The following GDPD4 variants were observed in gnomAD, a reference collection of about 807,000 sequenced individuals.
GDPD4 encodes the protein glycerophosphodiester phosphodiesterase 6.
A neutral mutation model predicts 67.8 loss-of-function variants in GDPD4; 60 were observed. The observed-to-expected ratio is 0.88, with a 90% CI of 0.72 to 1.10. The LOEUF (loss-of-function observed/expected upper bound fraction) is 1.10, where lower values mean the gene tolerates loss of function less well. GDPD4 is among the 50% of genes least tolerant of loss of function. GDPD4 has a pLI of 0.00. For missense variants in GDPD4, 623 were observed against 613.9 expected, an observed-to-expected ratio of 1.01 and a Z score of -0.16; for synonymous variants, 212 against 210.9, an observed-to-expected ratio of 1.00 and a Z score of -0.04.
chr11:77,251,426 T>A (rs920100559), intron 11 of GDPD4, among the ~76,000 whole-genome samples: 35 of 152,202 alleles, frequency 2.3e-4, no homozygotes, highest in Admixed American at 2.0e-4. Flanking sequence ...CATTCCCCAG[T>A]TTTTGCTTGT....
chr11:77,281,290 A>G (rs1171994921), intron 3 of GDPD4, among the ~76,000 whole-genome samples: 1 of 152,162 alleles, frequency 6.6e-6, no homozygotes, highest in Non-Finnish European at 1.5e-5. Flanking sequence ...TACATATTGC[A>G]ATGTTTTATA....
intron 10 of GDPD4, among the ~76,000 whole-genome samples, chr11:77,264,448 C>A (rs937602608): frequency 6.6e-6 from 1 of 151,814 alleles, no homozygotes; most frequent in Non-Finnish European, 1.5e-5. Flanking sequence ...ACTTTAAAGG[C>A]AAGAAGGGAA....
chr11:77,246,773 C>T (rs1021789081), intron 11 of GDPD4, among the ~76,000 whole-genome samples: 2 of 152,120 alleles, frequency 1.3e-5, no homozygotes, highest in African/African-American at 4.8e-5. Context: ...GTGTAACTCC[C>T]TCTTGGTGGG....
At chr11:77,274,161 T>G (rs1238575442) in intron 5 of GDPD4, among the ~76,000 whole-genome samples, 1 of 152,236 alleles carries the variant, frequency 6.6e-6, no homozygotes, top group Non-Finnish European at 1.5e-5. Flanking sequence ...ATGTTGGATA[T>G]CAATAAGGCC....
intron 10 of GDPD4, among the ~76,000 whole-genome samples, chr11:77,262,727 G>C (rs186456012): frequency 4.6e-5 from 7 of 151,740 alleles, no homozygotes; most frequent in African/African-American, 1.7e-4. Context: ...ACCAATCAAC[G>C]ATCTGCACAC....
chr11:77,254,883 A>T (rs1958975480), intron 11 of GDPD4, among the ~76,000 whole-genome samples: 1 of 152,248 alleles, frequency 6.6e-6, no homozygotes, highest in African/African-American at 2.4e-5. Context: ...CCAACCAATA[A>T]AGAATCATCA....
chr11:77,265,662 T>G (rs937967354), intron 10 of GDPD4, among the ~76,000 whole-genome samples: 4 of 152,186 alleles, frequency 2.6e-5, no homozygotes, highest in African/African-American at 4.8e-5. Context: ...ATGAACTTAT[T>G]TGTATATTTA....
At chr11:77,294,922 G>C (rs1937898792) in intron 1 of GDPD4, among the ~76,000 whole-genome samples, 1 of 148,698 alleles carries the variant, frequency 6.7e-6, no homozygotes, top group South Asian at 2.1e-4. Context: ...TGGAACAACT[G>C]GATATTCACC....
intron 7 of GDPD4, among the ~76,000 whole-genome samples, chr11:77,270,287 C>T (rs1002551851): frequency 6.6e-6 from 1 of 152,168 alleles, no homozygotes; most frequent in African/African-American, 2.4e-5. Flanking sequence ...CTGGGACAAA[C>T]AATGAAGAGG....
intron 15 of GDPD4, among the ~76,000 whole-genome samples, 193 bp from the exon 16 acceptor site, chr11:77,228,109 A>T (rs1249698630): frequency 6.6e-6 from 1 of 152,060 alleles, no homozygotes; most frequent in African/African-American, 2.4e-5. Flanking sequence ...GGTGGCTCAC[A>T]CCTGTAATGC....
Position 77,258,445 on chromosome 11 carries a change from A to T in GDPD4, c.805T>A (p.Phe269Ile). 1 of 1,614,188 alleles carries T rather than the reference A, an allele frequency of 6.2e-7. No individual in the cohort carries two copies. The highest frequency in any genetic ancestry group is 8.5e-7 in the Non-Finnish European group (1 of 1,180,002). ...QPESACENPA[F>I]FNWDFLSTLN... ...GTCGATAGGAAATCCCAGTTGAAGA[A>T]GGCAGGGTTCTCGCAGGCAGATTCT... The change falls in exon 11 of 17, where the codon TTC becomes ATC. Residue 269 changes from phenylalanine (F) to isoleucine (I), a missense_variant. Coordinates refer to ENST00000315938, the MANE Select transcript of GDPD4 (RefSeq NM_182833.3).
chr11:77,293,534 C>T (rs1208962256), intron 1 of GDPD4, among the ~76,000 whole-genome samples: 1 of 150,018 alleles, frequency 6.7e-6, no homozygotes, highest in East Asian at 2.0e-4. Flanking sequence ...ATGGAGGTTA[C>T]AGTAAGCCAA....
Position 77,217,003 on chromosome 11 carries a change from T to C in GDPD4, c.*274A>G, listed in dbSNP as rs373698539. The stretch of plus-strand genomic sequence containing the variant: ...CCACCTTCAGGGTGGGCAATGTAGT[T>C]TGAAAGGTAGCCTCACTTGTAGCCT... On this transcript the variant is annotated 3_prime_UTR_variant, in exon 17 of 17. Transcript: ENST00000315938. 9.8e-4 allele frequency: 689 copies of C among 703,180 alleles called. 4 individuals are homozygous for C. In the African/African-American group the frequency reaches 0.01, roughly 11 times the overall value. 43.6% of individuals were successfully genotyped at this position (703,180 alleles called of 1,614,324 possible). A position where few individuals can be genotyped will look rare whatever the true frequency, so the allele number is the denominator to read the frequency against.
chr11:77,221,680 A>G (rs9704696), intron 16 of GDPD4, among the ~76,000 whole-genome samples: 133,724 of 152,136 alleles, frequency 0.88, 58,957 homozygotes, highest in Middle Eastern at 0.91. Context: ...AATGAGTGCA[A>G]TGTGGTGCTG....
chr11:77,294,571 CCAAA>C (rs1591584952), intron 1 of GDPD4, among the ~76,000 whole-genome samples: 2 of 152,096 alleles, frequency 1.3e-5, no homozygotes, highest in African/African-American at 4.8e-5. Flanking sequence ...TCAATTCTCC[CCAAA>C]CAGATCTACA....
chr11:77,282,604 A>C (rs1475820231), intron 3 of GDPD4, among the ~76,000 whole-genome samples: 1 of 152,058 alleles, frequency 6.6e-6, no homozygotes, highest in African/African-American at 2.4e-5. Flanking sequence ...CAATGAGCCA[A>C]GCTTGGGAGG....
chr11:77,279,316 G>C lies in GDPD4; in HGVS notation c.137C>G (p.Ser46Ter). 1 of 1,603,238 alleles carries C rather than the reference G, an allele frequency of 6.2e-7. No individual in the cohort carries two copies. Among genetic ancestry groups the C allele is most frequent in the African/African-American group, 1.3e-5 (1 of 74,846 alleles). Residue 46 changes from serine to a stop codon, truncating the protein, a stop_gained, in exon 4 of 17, where the codon TCA becomes TGA. Transcript: ENST00000315938. LOFTEE classifies it high-confidence loss of function. ...AGAAGCATTACTCACCAACAGCAAT[G>C]AAGAGTAGGCAGTCAGGATCCTAGC... is the stretch of plus-strand genomic sequence containing the variant. The part of the protein sequence containing the change: ...SLARILTAYS[S>*]LLLLLGFLLL...
chr11:77,262,745 C>T (rs1268461765), intron 10 of GDPD4, among the ~76,000 whole-genome samples: 1 of 151,048 alleles, frequency 6.6e-6, no homozygotes, highest in East Asian at 2.0e-4. Context: ...CACTTCAGCC[C>T]ACTCCAAAAC....
intron 10 of GDPD4, 152 bp downstream of exon 10, chr11:77,268,305 G>A (rs557220457): frequency 3.2e-6 from 2 of 617,862 alleles, no homozygotes; most frequent in Admixed American, 5.1e-5. Flanking sequence ...GTGAGATGTG[G>A]TTCATTTGTG....
Sources: gnomAD v4.1 joint callset for allele counts (sites outside exome capture counted in the v4.1 genomes callset) on GRCh38, gnomAD v4.1.1 for gene constraint, MANE v1.5 for transcripts, NCBI Gene and HGNC (gene_info 2026-07-23, HGNC 2026-07-21) for gene names.